RHOU: variants seen among roughly 807,000 people sequenced by gnomAD.
RHOU encodes rho-related GTP-binding protein RhoU.
Under a neutral mutation model 12.6 loss-of-function variants are expected in RHOU, and 8 were observed. That is an observed-to-expected ratio of 0.64 (90% confidence interval 0.37 to 1.15). RHOU has a LOEUF of 1.15. RHOU is among the 50% of genes most tolerant of loss of function. The pLI is 0.01. For synonymous variants in RHOU, 161 were observed against 147.4 expected (o/e 1.09, Z -0.67); for missense variants, 258 against 347.0 (o/e 0.74, Z 2.04).
At chr1:228,690,905 C>T in the RHOU span, among the ~76,000 whole-genome samples, 3 of 152,162 alleles carry the variant, frequency 2.0e-5, no homozygotes, top group African/African-American at 2.4e-5. Flanking sequence ...CGTGAGCCTC[C>T]GTGCATGGTG....
the RHOU span, among the ~76,000 whole-genome samples, chr1:228,655,260 T>TA: frequency 6.6e-6 from 1 of 151,986 alleles, no homozygotes; most frequent in Admixed American, 6.6e-5. Context: ...CCCACCACCA[T>TA]ACCCAGCTAA....
At chr1:228,656,604 G>C in the RHOU span, among the ~76,000 whole-genome samples, 15 of 152,232 alleles carry the variant, frequency 9.9e-5, 1 homozygote, top group East Asian at 2.9e-3. Flanking sequence ...AGTTAAATTG[G>C]TATAAATTCA....
the RHOU span, among the ~76,000 whole-genome samples, chr1:228,688,285 T>C: frequency 6.6e-6 from 1 of 152,204 alleles, no homozygotes; most frequent in Admixed American, 6.5e-5. Context: ...GTTAAGCTGC[T>C]GTCTAAAGGA....
At chr1:228,726,391 C>G in the RHOU span, among the ~76,000 whole-genome samples, 1 of 152,042 alleles carries the variant, frequency 6.6e-6, no homozygotes, top group African/African-American at 2.4e-5. Context: ...TAAGGCCGGG[C>G]GCAGTGGCTC....
At position 228,735,562 on chromosome 1, in the gene RHOU, C is replaced by A; in HGVS notation, c.-181C>A. 1 of 364,734 alleles carries A rather than the reference C, an allele frequency of 2.7e-6. No individual in the cohort carries two copies. Among genetic ancestry groups the A allele is most frequent in the Non-Finnish European group, 4.5e-6 (1 of 220,584 alleles). The allele number at this position is 364,734 out of a possible 1,614,324, so 22.6% of individuals were successfully genotyped here. ...GGCTGGCGCCGCCGGAGCGCGGAGC[C>A]ACGACCCTCCCTGGCCGCCTTTGTC... On this transcript the variant is annotated 5_prime_UTR_variant, in exon 1 of 3. Transcript: ENST00000366691. This position sits in a 1 kb window ranked among gnomAD's most constrained non-coding sequence, Gnocchi z 8.1.
At chr1:228,697,682 G>A in the RHOU span, among the ~76,000 whole-genome samples, 1 of 152,206 alleles carries the variant, frequency 6.6e-6, no homozygotes, top group African/African-American at 2.4e-5. Flanking sequence ...GAAGAGCTCT[G>A]TAGTCACTGT....
the RHOU span, among the ~76,000 whole-genome samples, chr1:228,725,563 G>A: frequency 6.6e-6 from 1 of 152,216 alleles, no homozygotes; most frequent in East Asian, 1.9e-4. Context: ...AAAGAACAGA[G>A]CACTTCCCCA....
At chr1:228,647,753 T>A in the RHOU span, among the ~76,000 whole-genome samples, 1 of 152,062 alleles carries the variant, frequency 6.6e-6, no homozygotes, top group Non-Finnish European at 1.5e-5. Context: ...CCTGAATAGT[T>A]GTGATGTTGT....
At position 228,744,704 on chromosome 1, in the gene RHOU, T is replaced by A. The variant is rs1662792903; in HGVS notation, c.*964T>A. ...TGTTTGTGGGACACAACACAGATAA[T>A]TTTTTCTTAAGTCGGCCAAGATGTA... On this transcript the variant is annotated 3_prime_UTR_variant, in exon 3 of 3. Coordinates refer to ENST00000366691, the MANE Select transcript of RHOU (RefSeq NM_021205.6). The A allele has an allele frequency of 6.6e-6, 1 of 152,192 alleles. No individual in the cohort carries two copies. Among genetic ancestry groups the A allele is most frequent in the South Asian group, 2.1e-4 (1 of 4,828 alleles). The allele number at this position is 152,192 out of a possible 1,614,324, so 9.4% of individuals were successfully genotyped here.
the RHOU span, among the ~76,000 whole-genome samples, chr1:228,666,926 C>T: frequency 1.3e-5 from 2 of 152,192 alleles, no homozygotes; most frequent in Non-Finnish European, 2.9e-5. Context: ...CTGAGATTTG[C>T]ATAGTGACTT....
chr1:228,707,832 A>G, the RHOU span, among the ~76,000 whole-genome samples: 1 of 152,210 alleles, frequency 6.6e-6, no homozygotes, highest in Non-Finnish European at 1.5e-5. Context: ...AGCTGAGAGA[A>G]GAAGGCTTCA....
chr1:228,703,942 A>AC, the RHOU span, among the ~76,000 whole-genome samples: 1 of 151,966 alleles, frequency 6.6e-6, no homozygotes, highest in South Asian at 2.1e-4. Context: ...AAAGTGACAT[A>AC]CCTCCCTCAC....
upstream of RHOU, among the ~76,000 whole-genome samples, chr1:228,734,428 G>A (rs1662551219): frequency 6.6e-6 from 1 of 152,102 alleles, no homozygotes; most frequent in Non-Finnish European, 1.5e-5. Context: ...AGACTATTTG[G>A]GTTTGGATCC....
At chr1:228,707,229 A>T in the RHOU span, among the ~76,000 whole-genome samples, 9 of 91,100 alleles carry the variant, frequency 9.9e-5, no homozygotes, top group African/African-American at 5.0e-4. Flanking sequence ...ATATATATAT[A>T]CATATGTATA....
the RHOU span, among the ~76,000 whole-genome samples, chr1:228,700,516 T>TGA: frequency 6.6e-6 from 1 of 152,168 alleles, no homozygotes; most frequent in Non-Finnish European, 1.5e-5. Context: ...GCACAGTACT[T>TGA]TAGGAGTTTA....
At chr1:228,715,654 G>A in the RHOU span, among the ~76,000 whole-genome samples, 3 of 152,144 alleles carry the variant, frequency 2.0e-5, no homozygotes, top group African/African-American at 7.2e-5. Flanking sequence ...ACATTCTTAA[G>A]ATGTACCGTA....
the RHOU span, among the ~76,000 whole-genome samples, chr1:228,721,288 A>C: frequency 6.6e-6 from 1 of 152,160 alleles, no homozygotes; most frequent in African/African-American, 2.4e-5. Context: ...GGCAACACAG[A>C]TTCCATCGCA....
upstream of RHOU, chr1:228,735,246 G>GGGGTCCCCCGGAACGTGTGTTCC (rs1422017078): frequency 1.3e-5 from 2 of 152,286 alleles, no homozygotes; most frequent in East Asian, 3.9e-4. This position sits in a 1 kb window ranked among gnomAD's most constrained non-coding sequence, Gnocchi z 8.1. Context: ...CCGGGTGCGC[G>GGGGTCCCCCGGAACGTGTGTTCC]GGGTCCCCCG....
At chr1:228,646,870 A>G in the RHOU span, among the ~76,000 whole-genome samples, 1 of 152,016 alleles carries the variant, frequency 6.6e-6, no homozygotes, top group African/African-American at 2.4e-5. Flanking sequence ...AGATGGATGG[A>G]GAGATAGAAA....
Sources: allele counts gnomAD v4.1 joint callset (sites outside exome capture counted in the v4.1 genomes callset), GRCh38; gene constraint gnomAD v4.1.1; non-coding constraint Gnocchi (gnomAD v3.1); transcripts MANE v1.5; gene names NCBI Gene and HGNC (gene_info 2026-07-23, HGNC 2026-07-21).